ARID4B: variants seen among roughly 807,000 people sequenced by gnomAD.
The protein encoded by ARID4B is AT-rich interactive domain-containing protein 4B.
In ARID4B, 26 loss-of-function variants were observed where a neutral mutation model predicts 147.5. That is an observed-to-expected ratio of 0.18 (90% confidence interval 0.13 to 0.24). The LOEUF is 0.24. Ranked by LOEUF, ARID4B falls within the 10% of genes least tolerant of loss-of-function variation. The pLI is 1.00. For missense variants in ARID4B, 1,179 were observed against 1,511.5 expected (o/e 0.78, Z 3.65); for synonymous variants, 512 against 507.9 (o/e 1.01, Z -0.11).
Position 235,297,805 on chromosome 1 carries a change from T to C in ARID4B, c.6+29109A>G, listed in dbSNP as rs536846257. 1.7e-4 allele frequency among the ~76,000 whole-genome samples: 26 copies of C among 152,280 alleles called. No individual in the cohort carries two copies. In the South Asian group the frequency reaches 5.0e-3, roughly 29 times the overall value. ...CAAAGATGTAATCAGCCAAACAGAA[T>C]GTGGGAAATTCTACAGGTTAAATAA... On this transcript the variant is annotated intron_variant, in intron 2 of 23. Coordinates refer to ENST00000264183, the MANE Select transcript of ARID4B (RefSeq NM_016374.6).
intron 2 of ARID4B, among the ~76,000 whole-genome samples, chr1:235,299,364 C>A (rs1672970815): frequency 6.6e-6 from 1 of 152,148 alleles, no homozygotes; most frequent in Admixed American, 6.6e-5. Context: ...CAGGAGCCCA[C>A]CACCACGCCC....
At chr1:235,282,876 G>A (rs1047126722) in intron 2 of ARID4B, among the ~76,000 whole-genome samples, 1 of 152,146 alleles carries the variant, frequency 6.6e-6, no homozygotes, top group Non-Finnish European at 1.5e-5. Flanking sequence ...CGCCTACCGG[G>A]TTCACGCCAT....
At position 235,274,993 on chromosome 1, in the gene ARID4B, T is replaced by TTGTG. The variant is rs72168611; in HGVS notation, c.7-14245_7-14242dup. 8.5e-3 allele frequency among the ~76,000 whole-genome samples: 1,268 copies of TTGTG among 148,498 alleles called. 12 individuals are homozygous for TTGTG. Among genetic ancestry groups the TTGTG allele is most frequent in the African/African-American group, 0.026 (1,047 of 40,528 alleles). ...GGAAAATCCAACACTAGGCCTAATT[T>TTGTG]TGTGTGTGTGTGTGTGTGTGTGTGT... is the stretch of plus-strand genomic sequence containing the variant. On this transcript the variant is annotated intron_variant, in intron 2 of 23. Coordinates refer to ENST00000264183, the MANE Select transcript of ARID4B (RefSeq NM_016374.6).
chr1:235,186,158 A>T (rs1664665308), intron 19 of ARID4B, among the ~76,000 whole-genome samples: 1 of 151,982 alleles, frequency 6.6e-6, no homozygotes, highest in South Asian at 2.1e-4. Flanking sequence ...TAGTAGAGAC[A>T]GGGTTTCACC....
chr1:235,169,546 G>GT (rs1368149357), intron 23 of ARID4B, among the ~76,000 whole-genome samples: 1 of 140,860 alleles, frequency 7.1e-6, no homozygotes, highest in Non-Finnish European at 1.5e-5. Context: ...CAGCCTGTTT[G>GT]TTTTTTTGAG....
At chr1:235,239,975 T>C (rs1225140451) in intron 8 of ARID4B, among the ~76,000 whole-genome samples, 1 of 152,176 alleles carries the variant, frequency 6.6e-6, no homozygotes, top group East Asian at 1.9e-4. Context: ...GGTCTAGTTA[T>C]CCCTGTCAAC....
chr1:235,182,851 T>C (rs1268681210), intron 19 of ARID4B, 58 bp from the exon 20 acceptor site: 9 of 1,502,450 alleles, frequency 6.0e-6, no homozygotes, highest in Non-Finnish European at 7.1e-6. Context: ...CAATGTCTTC[T>C]ATGTGCCAGG....
intron 17 of ARID4B, among the ~76,000 whole-genome samples, chr1:235,209,563 G>GTTTTTTTTTTTTTTTTTTTTT (rs374681138): frequency 2.2e-5 from 3 of 137,160 alleles, no homozygotes; most frequent in Non-Finnish European, 4.7e-5. Flanking sequence ...TTTGTTTTTT[G>GTTTTTTTTTTTTTTTTTTTTT]TTTTGTTTTT....
chr1:235,319,113 A>T (rs1430602544), intron 2 of ARID4B, among the ~76,000 whole-genome samples: 1 of 152,198 alleles, frequency 6.6e-6, no homozygotes, highest in Non-Finnish European at 1.5e-5. Context: ...ACACAGCAAG[A>T]CCTCATCTCT....
At chr1:235,235,786 T>C in intron 8 of ARID4B, among the ~76,000 whole-genome samples, 1 of 152,078 alleles carries the variant, frequency 6.6e-6, no homozygotes, top group South Asian at 2.1e-4. Flanking sequence ...AAAATGAAAT[T>C]GGAAAATAAA....
intron 2 of ARID4B, among the ~76,000 whole-genome samples, chr1:235,309,131 C>T (rs548203226): frequency 0.038 from 5,649 of 150,512 alleles, 427 homozygotes; most frequent in African/African-American, 0.13. Context: ...CCCGCCGCCC[C>T]GTCTGGGATG....
intron 17 of ARID4B, among the ~76,000 whole-genome samples, chr1:235,203,069 G>A (rs957926446): frequency 6.6e-6 from 1 of 152,136 alleles, no homozygotes; most frequent in African/African-American, 2.4e-5. Context: ...GAATACAAAC[G>A]TGAAACTTTC....
intron 16 of ARID4B, among the ~76,000 whole-genome samples, chr1:235,214,368 ATC>A (rs1458193562): frequency 1.3e-5 from 2 of 152,190 alleles, no homozygotes; most frequent in Admixed American, 1.3e-4. Flanking sequence ...GTGTTTTAAC[ATC>A]TCAATTGACA....
At chr1:235,217,963 GTTTAA>G (rs980402479) in intron 16 of ARID4B, among the ~76,000 whole-genome samples, 5 of 152,240 alleles carry the variant, frequency 3.3e-5, no homozygotes, top group African/African-American at 4.8e-5. Context: ...CTCTGATAAA[GTTTAA>G]TTTATTAATA....
At chr1:235,243,307 A>G (rs1312788372) in intron 7 of ARID4B, among the ~76,000 whole-genome samples, 1 of 152,160 alleles carries the variant, frequency 6.6e-6, no homozygotes, top group East Asian at 1.9e-4. Flanking sequence ...GCTTAGCCAG[A>G]AAACTGTTTA....
chr1:235,197,619 A>G (rs1249724151), intron 17 of ARID4B, among the ~76,000 whole-genome samples: 2 of 152,186 alleles, frequency 1.3e-5, no homozygotes, highest in South Asian at 2.1e-4. Context: ...CCTGCTTCCT[A>G]GTTATGTGGT....
chr1:235,232,608 C>T (rs11581323), intron 9 of ARID4B, among the ~76,000 whole-genome samples: 43,524 of 151,018 alleles, frequency 0.29, 7,527 homozygotes, highest in South Asian at 0.53. Flanking sequence ...GTGGCACACA[C>T]CTGTAGTGCT....
rs865795428 is a variant in ARID4B at position 235,318,321 on chromosome 1, G to A, written c.6+8593C>T. 1.6e-4 allele frequency among the ~76,000 whole-genome samples: 25 copies of A among 151,728 alleles called. No homozygotes were observed. In the Middle Eastern group the frequency reaches 0.01, roughly 62 times the overall value. The stretch of plus-strand genomic sequence containing the variant: ...CTCCTGAGTAGCTGGGATTACAGGC[G>A]CCCACCACCACACCCGGCTAATTTT... On this transcript the variant is annotated intron_variant, in intron 2 of 23. Coordinates refer to ENST00000264183, the MANE Select transcript of ARID4B (RefSeq NM_016374.6).
intron 21 of ARID4B, chr1:235,176,661 C>G (rs935424998): frequency 3.3e-6 from 1 of 302,838 alleles, no homozygotes; most frequent in Non-Finnish European, 6.8e-6. Flanking sequence ...AAGGCTTGGC[C>G]CCACTCTATG....
Sources: allele counts gnomAD v4.1 joint callset (sites outside exome capture counted in the v4.1 genomes callset), GRCh38; gene constraint gnomAD v4.1.1; transcripts MANE v1.5; gene names NCBI Gene and HGNC (gene_info 2026-07-23, HGNC 2026-07-21).